GNG7: variants seen among roughly 807,000 people sequenced by gnomAD.
The protein encoded by GNG7 is G protein subunit gamma 7, also known as guanine nucleotide-binding protein G(I)/G(S)/G(O) subunit gamma-7.
A neutral mutation model predicts 4.0 loss-of-function variants in GNG7; 1 was observed. The ratio of observed to expected loss-of-function variants is 0.25; its 90% CI spans 0.09 to 1.18. The LOEUF (loss-of-function observed/expected upper bound fraction) is 1.18, where lower values mean the gene tolerates loss of function less well. Ranked by LOEUF, GNG7 falls within the 50% of genes most tolerant of loss-of-function variation. The pLI is 0.50. For synonymous variants in GNG7, 34 were observed against 36.9 expected, an observed-to-expected ratio of 0.92 and a Z score of 0.29; for missense variants, 86 against 91.9, an observed-to-expected ratio of 0.94 and a Z score of 0.26.
chr19:2,552,848 T>TC (rs1555693069), intron 3 of GNG7, among the ~76,000 whole-genome samples: 3,607 of 84,018 alleles, frequency 0.043, 131 homozygotes, highest in East Asian at 0.16. Flanking sequence ...TCCTCCCGGC[T>TC]CCACCCCCCC....
rs1451644950 is a variant in GNG7 at position 2,626,047 on chromosome 19, C to T, written c.-78+20177G>A. Among the ~76,000 whole-genome samples, 3 of 151,962 alleles carry T rather than the reference C, an allele frequency of 2.0e-5. No individual in the cohort carries two copies. Among genetic ancestry groups the T allele is most frequent in the African/African-American group, 7.3e-5 (3 of 41,356 alleles). The stretch of plus-strand genomic sequence containing the variant: ...AGGTGATCCACCCGCCTCGGCCTCC[C>T]AAAGTGCTGGGATGACAGGCGTGAG... On this transcript the variant is annotated intron_variant, in intron 2 of 4. Coordinates refer to ENST00000382159, the MANE Select transcript of GNG7 (RefSeq NM_052847.3). The surrounding 1 kb of genome is among the most constrained non-coding windows in gnomAD (Gnocchi z 5.0).
Position 2,650,183 on chromosome 19 carries a change from C to CTTTTTTTTTT in GNG7, c.-134-3913_-134-3904dup, listed in dbSNP as rs529803793. Among the ~76,000 whole-genome samples, 26 of 125,990 alleles carry CTTTTTTTTTT rather than the reference C, an allele frequency of 2.1e-4. 1 individual carries two copies. The highest frequency in any genetic ancestry group is 4.8e-4 in the African/African-American group (15 of 31,324). 82.7% of individuals were successfully genotyped at this position (125,990 alleles called of 152,430 possible). ...CTGTGAATATTCGTGTCATAGGAAT[C>CTTTTTTTTTT]TTTTTTTTTTTTTTTTTTGAGACAG... On this transcript the variant is annotated intron_variant, in intron 1 of 4. Coordinates refer to ENST00000382159, the MANE Select transcript of GNG7 (RefSeq NM_052847.3).
At chr19:2,589,838 G>T (rs1030842002) in intron 2 of GNG7, among the ~76,000 whole-genome samples, 9 of 152,104 alleles carry the variant, frequency 5.9e-5, no homozygotes, top group Admixed American at 5.2e-4. Flanking sequence ...GAACAGGCCA[G>T]TCTCGCTCTG....
chr19:2,548,644 C>G (rs1979209653), intron 3 of GNG7, among the ~76,000 whole-genome samples: 1 of 151,788 alleles, frequency 6.6e-6, no homozygotes, highest in Admixed American at 6.6e-5. Context: ...CAAAAATTAG[C>G]CGGGCCTGGT....
intron 2 of GNG7, among the ~76,000 whole-genome samples, chr19:2,629,208 C>T (rs1204073167): frequency 6.6e-6 from 1 of 152,176 alleles, no homozygotes; most frequent in East Asian, 1.9e-4. Flanking sequence ...GTAGGTCTCT[C>T]TGAAGGTTGA....
intron 1 of GNG7, among the ~76,000 whole-genome samples, chr19:2,671,706 G>T (rs1033254953): frequency 6.6e-5 from 10 of 152,236 alleles, no homozygotes; most frequent in Non-Finnish European, 1.2e-4. Flanking sequence ...AATGTCATCA[G>T]CTCCTCCAAC....
Position 2,659,087 on chromosome 19 carries a change from A to G in GNG7, c.-134-12807T>C, listed in dbSNP as rs1983070582. Among the ~76,000 whole-genome samples the G allele has an allele frequency of 2.0e-5, 3 of 151,278 alleles. No homozygotes were observed. In the South Asian group the frequency reaches 6.3e-4, roughly 32 times the overall value. Reference sequence around the variant, plus strand: ...CGGGTTCATGCCATTCTCCTGCCTCAGCCTCCCGAGTAGCTGGGACTACAG... The same window carrying G: ...CGGGTTCATGCCATTCTCCTGCCTCGGCCTCCCGAGTAGCTGGGACTACAG... On this transcript the variant is annotated intron_variant, in intron 1 of 4. Coordinates refer to ENST00000382159, the MANE Select transcript of GNG7 (RefSeq NM_052847.3).
At chr19:2,528,898 T>C (rs1978498277) in intron 3 of GNG7, among the ~76,000 whole-genome samples, 1 of 152,202 alleles carries the variant, frequency 6.6e-6, no homozygotes, top group South Asian at 2.1e-4. Context: ...CTGTGGCAAC[T>C]GCCAAATATA....
chr19:2,607,639 C>T (rs957776785), intron 2 of GNG7, among the ~76,000 whole-genome samples: 2 of 150,368 alleles, frequency 1.3e-5, no homozygotes, highest in Non-Finnish European at 3.0e-5. Flanking sequence ...AGCTAAACTA[C>T]ATTGTTATGT....
rs1252586822 is a variant in GNG7, at chr19:2,636,962, G to GCCCACCTGCACTTCCGTC, written c.-78+9244_-78+9261dup. On this transcript the variant is annotated intron_variant, in intron 2 of 4. Transcript: ENST00000382159. ...TCCGTCCCCACTTGTGCCCACCTGC[G>GCCCACCTGCACTTCCGTC]CCCACCTGCACTTCCGTCCCCACCT... Among the ~76,000 whole-genome samples, 398 of 150,230 alleles carry GCCCACCTGCACTTCCGTC rather than the reference G, an allele frequency of 2.6e-3. 1 individual carries two copies. The highest frequency in any genetic ancestry group is 4.4e-3 in the Non-Finnish European group (296 of 67,464).
intron 2 of GNG7, among the ~76,000 whole-genome samples, chr19:2,576,038 C>G (rs113974014): frequency 1.3e-5 from 1 of 75,110 alleles, no homozygotes; most frequent in African/African-American, 1.7e-4. Flanking sequence ...CACACAGACA[C>G]ACACAGACAC....
chr19:2,539,556 C>T (rs934738826), intron 3 of GNG7, among the ~76,000 whole-genome samples: 5 of 152,050 alleles, frequency 3.3e-5, no homozygotes, highest in Non-Finnish European at 4.4e-5. Flanking sequence ...CTGCCCGCCT[C>T]GGCCTCCCAA....
At chr19:2,627,148 G>C (rs1054144830) in intron 2 of GNG7, among the ~76,000 whole-genome samples, 5 of 152,146 alleles carry the variant, frequency 3.3e-5, no homozygotes, top group Admixed American at 6.5e-5. Flanking sequence ...CTTGGGGTCT[G>C]TGGAATCTTC....
intron 1 of GNG7, among the ~76,000 whole-genome samples, chr19:2,662,562 A>G (rs977324564): frequency 6.6e-6 from 1 of 152,174 alleles, no homozygotes; most frequent in Non-Finnish European, 1.5e-5. Context: ...AAACACATTT[A>G]CTGGTTTAAT....
At chr19:2,539,597 G>A (rs1003152400) in intron 3 of GNG7, among the ~76,000 whole-genome samples, 6 of 151,988 alleles carry the variant, frequency 3.9e-5, no homozygotes, top group Non-Finnish European at 8.8e-5. Flanking sequence ...GAGACACTGC[G>A]CCCGGCCATA....
At chr19:2,679,481 GGAGT>G (rs1189383944) in intron 1 of GNG7, among the ~76,000 whole-genome samples, 25 of 152,128 alleles carry the variant, frequency 1.6e-4, no homozygotes, top group African/African-American at 6.0e-4. Context: ...ATGACCCTAG[GGAGT>G]GATTCCTATC....
chr19:2,513,625 G>A lies in GNG7; in HGVS notation c.*1397C>T, dbSNP rs996674481. On this transcript the variant is annotated 3_prime_UTR_variant, in exon 5 of 5. Coordinates refer to ENST00000382159, the MANE Select transcript of GNG7 (RefSeq NM_052847.3). ...GACAGCCGTCCTGGGTTGCACGGGG[G>A]TGGAAAAGCAAAAAGATCGGGTTCG... 3.1e-6 allele frequency: 3 copies of A among 972,250 alleles called. No homozygotes were observed. The highest frequency in any genetic ancestry group is 1.2e-6 in the Non-Finnish European group (1 of 817,984). The allele number at this position is 972,250 out of a possible 1,614,324, so 60.2% of individuals were successfully genotyped here. A position where few individuals can be genotyped will look rare whatever the true frequency, so the allele number is the denominator to read the frequency against.
chr19:2,620,160 C>T (rs1233060834), intron 2 of GNG7, among the ~76,000 whole-genome samples: 5 of 142,884 alleles, frequency 3.5e-5, no homozygotes, highest in African/African-American at 7.9e-5. Flanking sequence ...GCCGAGATCG[C>T]GCCATAGCAC....
chr19:2,685,184 G>A (rs1001147863), intron 1 of GNG7, among the ~76,000 whole-genome samples: 2 of 151,916 alleles, frequency 1.3e-5, no homozygotes, highest in East Asian at 3.9e-4. Flanking sequence ...GGGCTGGGGA[G>A]GGGGCTGGGG....
Sources: allele counts gnomAD v4.1 joint callset (sites outside exome capture counted in the v4.1 genomes callset), GRCh38; gene constraint gnomAD v4.1.1; non-coding constraint Gnocchi (gnomAD v3.1); transcripts MANE v1.5; gene names NCBI Gene and HGNC (gene_info 2026-07-23, HGNC 2026-07-21).